The following UTRN variants were observed in gnomAD, a reference collection of about 807,000 sequenced individuals.
The protein encoded by UTRN is dystrophin-related protein 1.
Under a neutral mutation model 463.9 loss-of-function variants are expected in UTRN, and 283 were observed. The observed-to-expected ratio is 0.61, with a 90% CI of 0.55 to 0.67. The LOEUF is 0.67. Ranked by LOEUF, UTRN falls within the 30% of genes least tolerant of loss-of-function variation. UTRN has a pLI of 0.00. For missense variants in UTRN, 3,922 were observed against 4,084.3 expected (o/e 0.96, Z 1.08); for synonymous variants, 1,442 against 1,431.5 (o/e 1.01, Z -0.17).
At chr6:144,529,860 T>G (rs537842050) in intron 41 of UTRN, among the ~76,000 whole-genome samples, 1 of 152,260 alleles carries the variant, frequency 6.6e-6, no homozygotes, top group Admixed American at 6.5e-5. Context: ...CCATTACTCT[T>G]AAACAAAAAG....
intron 52 of UTRN, among the ~76,000 whole-genome samples, chr6:144,689,401 A>C (rs1441806175): frequency 6.6e-6 from 1 of 152,186 alleles, no homozygotes; most frequent in Middle Eastern, 3.2e-3. Context: ...GCCTCTGCTG[A>C]AAGAAACTTC....
intron 3 of UTRN, among the ~76,000 whole-genome samples, chr6:144,405,852 G>C (rs574057810): frequency 6.6e-6 from 1 of 152,280 alleles, no homozygotes; most frequent in African/African-American, 2.4e-5. Context: ...CCAAGGCATT[G>C]TTATTTGTAT....
chr6:144,522,246 A>C, intron 40 of UTRN, 75 bp downstream of exon 40: 1 of 1,218,036 alleles, frequency 8.2e-7, no homozygotes. Flanking sequence ...TCTTGTGCCT[A>C]CTTAGATGGT....
In UTRN at chr6:144,462,809, G is replaced by T. The variant is rs1239488675; in HGVS notation, c.3009G>T (p.Leu1003Phe). ...GAAAGTGGAACAAGCTAAAGGTCTT[G>T]GTTTCCAAAGATCTACATTTGCTTG... ...VQGKWNKLKV[L>F]VSKDLHLLEE... Residue 1003 changes from leucine to phenylalanine, a missense_variant, in exon 23 of 75, where the codon TTG becomes TTT. By Grantham distance (22) the Leu-to-Phe change is conservative. This residue lies in a region of UTRN where 2,349 missense variants were observed against 2,303.8 expected (regional missense o/e 1.02). Coordinates refer to ENST00000367545, the MANE Select transcript of UTRN (RefSeq NM_007124.3). 1.2e-6 allele frequency: 2 copies of T among 1,609,500 alleles called. No homozygotes were observed. The highest frequency in any genetic ancestry group is 4.5e-5 in the East Asian group (2 of 44,806).
chr6:144,842,287 A>G (rs1781652298), intron 73 of UTRN, among the ~76,000 whole-genome samples: 1 of 152,106 alleles, frequency 6.6e-6, no homozygotes, highest in Non-Finnish European at 1.5e-5. Flanking sequence ...GCTATTTAAA[A>G]TATATTTCTG....
chr6:144,417,120 G>A (rs74559014), intron 3 of UTRN, among the ~76,000 whole-genome samples: 5 of 150,964 alleles, frequency 3.3e-5, no homozygotes, highest in African/African-American at 1.2e-4. Flanking sequence ...TGGTGTACTA[G>A]AAAAAAAAAT....
chr6:144,839,221 C>G lies in UTRN; in HGVS notation c.10114C>G (p.Gln3372Glu). The change falls in exon 72 of 75, where the codon CAG (glutamine) becomes GAG (glutamate). Residue 3372 changes from glutamine to glutamate, a missense_variant. Coordinates refer to ENST00000367545, the MANE Select transcript of UTRN (RefSeq NM_007124.3). ...INGVSPWASP[Q>E]HSALSYSLDP... ...TGGTGTTTCCCCATGGGCTTCTCCT[C>G]AGCATTCTGCACTGAGCTACTCGCT... 1 of 1,614,110 alleles carries G rather than the reference C, an allele frequency of 6.2e-7. No homozygotes were observed. The highest frequency in any genetic ancestry group is 1.1e-5 in the South Asian group (1 of 91,082).
At chr6:144,658,830 C>T (rs946587704) in intron 51 of UTRN, among the ~76,000 whole-genome samples, 1 of 152,106 alleles carries the variant, frequency 6.6e-6, no homozygotes, top group Non-Finnish European at 1.5e-5. Flanking sequence ...TTCTTTAAAG[C>T]GATGACACTT....
At chr6:144,839,864 C>T (rs1378505012) in intron 72 of UTRN, among the ~76,000 whole-genome samples, 2 of 151,884 alleles carry the variant, frequency 1.3e-5, no homozygotes, top group Admixed American at 1.3e-4. Flanking sequence ...AATTAAAATT[C>T]TAGAATTTTA....
intron 58 of UTRN, among the ~76,000 whole-genome samples, chr6:144,765,790 A>G (rs1195237105): frequency 6.6e-6 from 1 of 152,116 alleles, no homozygotes; most frequent in East Asian, 1.9e-4. Flanking sequence ...CTTCATTATC[A>G]TGAGATACTA....
chr6:144,679,214 G>A (rs562324329), intron 52 of UTRN, among the ~76,000 whole-genome samples: 1 of 152,208 alleles, frequency 6.6e-6, no homozygotes, highest in East Asian at 1.9e-4. Flanking sequence ...TGAACCTTAG[G>A]ACCAGAATTC....
At chr6:144,740,773 G>A (rs75554402) in intron 54 of UTRN, among the ~76,000 whole-genome samples, 3,627 of 152,172 alleles carry the variant, frequency 0.024, 151 homozygotes, top group African/African-American at 0.084. Flanking sequence ...AACTCCTACT[G>A]TAGTAATAAA....
At chr6:144,398,048 A>C (rs191237777) in intron 2 of UTRN, 1 of 238,160 alleles carries the variant, frequency 4.2e-6, no homozygotes, top group Admixed American at 4.1e-5. Context: ...GATGATTGGC[A>C]TTTGTATTTC....
intron 58 of UTRN, among the ~76,000 whole-genome samples, chr6:144,763,797 A>G (rs1792972209): frequency 6.6e-6 from 1 of 152,234 alleles, no homozygotes; most frequent in Non-Finnish European, 1.5e-5. Context: ...ATCCCAGAAC[A>G]GAATAAACCC....
chr6:144,717,075 C>A (rs1786545998), intron 53 of UTRN, among the ~76,000 whole-genome samples: 2 of 152,220 alleles, frequency 1.3e-5, no homozygotes, highest in South Asian at 4.1e-4. Context: ...TGCCAGCCTA[C>A]TTTCCCAAAT....
chr6:144,317,373 A>G (rs1199121811), intron 2 of UTRN, among the ~76,000 whole-genome samples: 3 of 152,180 alleles, frequency 2.0e-5, no homozygotes, highest in Non-Finnish European at 4.4e-5. Context: ...CCTGAAGCCA[A>G]TTTAAACATT....
intron 65 of UTRN, among the ~76,000 whole-genome samples, chr6:144,817,952 G>A (rs1276148340): frequency 6.6e-6 from 1 of 152,096 alleles, no homozygotes; most frequent in Non-Finnish European, 1.5e-5. Context: ...GCAAGTAGTT[G>A]TTTGTTATTT....
At chr6:144,401,264 T>C (rs571684029) in intron 2 of UTRN, among the ~76,000 whole-genome samples, 83 of 152,206 alleles carry the variant, frequency 5.5e-4, no homozygotes, top group Non-Finnish European at 1.2e-3. Context: ...TTTAAGGTAG[T>C]GGGACAAATA....
chr6:144,508,392 G>A (rs1794873018), intron 34 of UTRN, among the ~76,000 whole-genome samples: 1 of 152,164 alleles, frequency 6.6e-6, no homozygotes, highest in African/African-American at 2.4e-5. Context: ...GCACCTGAGG[G>A]AATCTCCGGG....
Sources: gnomAD v4.1 joint callset for allele counts (sites outside exome capture counted in the v4.1 genomes callset) on GRCh38, gnomAD v4.1.1 for gene constraint, gnomAD v4.1.1 regional missense constraint, MANE v1.5 for transcripts, NCBI Gene and HGNC (gene_info 2026-07-23, HGNC 2026-07-21) for gene names.